The following PRKCA variants were observed in gnomAD, a reference collection of about 807,000 sequenced individuals.
PRKCA encodes protein kinase C alpha type.
Under a neutral mutation model 87.0 loss-of-function variants are expected in PRKCA, and 27 were observed. The observed-to-expected ratio is 0.31, with a 90% CI of 0.23 to 0.43. The LOEUF is 0.43. Ranked by LOEUF, PRKCA falls within the 20% of genes least tolerant of loss-of-function variation. The pLI is 1.00. For synonymous variants in PRKCA, 329 were observed against 311.1 expected (o/e 1.06, Z -0.61); for missense variants, 518 against 852.3 (o/e 0.61, Z 4.88).
At position 66,362,531 on chromosome 17, in the gene PRKCA, TG is replaced by T. The variant is rs144633786; in HGVS notation, c.205+56405del. On this transcript the variant is annotated intron_variant, in intron 2 of 16. Transcript: ENST00000413366. ...GTTGTTGGATGCCTTCACTGGATCC[TG>T]AGCTCCTTAAGGTTGAGATAAGTCT... Among the ~76,000 whole-genome samples the T allele has an allele frequency of 3.7e-3, 562 of 152,324 alleles. 4 individuals are homozygous for T. The highest frequency in any genetic ancestry group is 0.013 in the African/African-American group (530 of 41,554).
chr17:66,439,305 C>A (rs56874823), intron 2 of PRKCA, among the ~76,000 whole-genome samples: 1 of 151,922 alleles, frequency 6.6e-6, no homozygotes, highest in African/African-American at 2.4e-5. Flanking sequence ...CTCAGCCTCC[C>A]GAGTAGCTGG....
chr17:66,414,287 C>T (rs969521529), intron 2 of PRKCA, among the ~76,000 whole-genome samples: 2 of 152,102 alleles, frequency 1.3e-5, no homozygotes, highest in African/African-American at 4.8e-5. Context: ...TGAGTGAGTT[C>T]TCACGAGATC....
At chr17:66,495,725 G>A (rs773471743) in intron 2 of PRKCA, among the ~76,000 whole-genome samples, 55 of 151,648 alleles carry the variant, frequency 3.6e-4, no homozygotes, top group Middle Eastern at 6.8e-3. Flanking sequence ...GCTAATTTGT[G>A]TATGTGTGTG....
chr17:66,666,731 TTGTC>T (rs1309926343), intron 5 of PRKCA, among the ~76,000 whole-genome samples: 2 of 151,998 alleles, frequency 1.3e-5, no homozygotes, highest in Non-Finnish European at 2.9e-5. Context: ...ATCTGACTCT[TTGTC>T]TGTCAGATAA....
chr17:66,621,575 G>T (rs1478525505), intron 3 of PRKCA, among the ~76,000 whole-genome samples: 1 of 152,066 alleles, frequency 6.6e-6, no homozygotes, highest in East Asian at 1.9e-4. Flanking sequence ...ATTTCTTTGC[G>T]AAGTCTGTGG....
chr17:66,634,589 G>A (rs1480536004), intron 3 of PRKCA, among the ~76,000 whole-genome samples: 1 of 152,192 alleles, frequency 6.6e-6, no homozygotes, highest in African/African-American at 2.4e-5. Context: ...CAGCCCTTTG[G>A]TGCACAGTGA....
At chr17:66,738,615 A>G (rs1384617948) in intron 10 of PRKCA, 149 bp from the exon 11 acceptor site, 2 of 660,750 alleles carry the variant, frequency 3.0e-6, no homozygotes, top group African/African-American at 3.7e-5. Context: ...CTTTCTTTGG[A>G]AAAAAATGTG....
chr17:66,435,679 A>G lies in PRKCA; in HGVS notation c.206-60522A>G, dbSNP rs772657923. ...CACTGACAAAAAGAAATGTGAAAAGATGTGTTTAAAACAATGCGCATGAAG... is the reference window on the plus strand; with the variant it reads ...CACTGACAAAAAGAAATGTGAAAAGGTGTGTTTAAAACAATGCGCATGAAG... On this transcript the variant is annotated intron_variant, in intron 2 of 16. Transcript: ENST00000413366. Among the ~76,000 whole-genome samples, 9 of 152,152 alleles carry G rather than the reference A, an allele frequency of 5.9e-5. No individual in the cohort carries two copies. In the South Asian group the frequency reaches 1.2e-3, roughly 21 times the overall value.
chr17:66,787,094 G>C (rs1282411376), intron 15 of PRKCA, 120 bp downstream of exon 15: 3 of 867,954 alleles, frequency 3.5e-6, no homozygotes, highest in Non-Finnish European at 6.0e-6. Context: ...CTGCATTTTG[G>C]CCATCGAGGG....
chr17:66,352,558 G>GTTTTTTTTTTTTT (rs56317931), intron 2 of PRKCA, among the ~76,000 whole-genome samples: 5 of 83,758 alleles, frequency 6.0e-5, no homozygotes, highest in Admixed American at 2.0e-4. Flanking sequence ...GTTTTTTGAG[G>GTTTTTTTTTTTTT]TTTTTTTTTT....
At position 66,562,093 on chromosome 17, in the gene PRKCA, A is replaced by G. The variant is rs867588846; in HGVS notation, c.288+65810A>G. ...AATTAAATTATATATATAATTAAAT[A>G]TATATAATTAAATTATATATATAAT... On this transcript the variant is annotated intron_variant, in intron 3 of 16. Transcript: ENST00000413366. Among the ~76,000 whole-genome samples the G allele has an allele frequency of 9.5e-3, 1,067 of 112,278 alleles. 35 individuals are homozygous for G. Among genetic ancestry groups the G allele is most frequent in the African/African-American group, 0.034 (988 of 28,850 alleles). The allele number at this position is 112,278 out of a possible 152,430, so 73.7% of individuals were successfully genotyped here.
chr17:66,748,423 G>T (rs1444890999), intron 13 of PRKCA, among the ~76,000 whole-genome samples: 2 of 152,294 alleles, frequency 1.3e-5, no homozygotes, highest in South Asian at 2.1e-4. Context: ...ATTAATATTT[G>T]GGGGGAGCAT....
chr17:66,374,100 G>A (rs1039349016), intron 2 of PRKCA, among the ~76,000 whole-genome samples: 3 of 152,108 alleles, frequency 2.0e-5, no homozygotes, highest in African/African-American at 7.2e-5. Flanking sequence ...CGCAAGGGAG[G>A]ATGGGCCAGG....
chr17:66,778,382 G>A (rs1374461543), intron 14 of PRKCA: 15 of 280,762 alleles, frequency 5.3e-5, no homozygotes, highest in South Asian at 1.4e-4. Context: ...CGAGTGTGGT[G>A]GCGGGCGCCT....
At chr17:66,726,771 C>T (rs1973761299) in intron 8 of PRKCA, among the ~76,000 whole-genome samples, 1 of 151,684 alleles carries the variant, frequency 6.6e-6, no homozygotes, top group South Asian at 2.1e-4. Context: ...ATCACCCAGG[C>T]CAGAGGGCAG....
intron 3 of PRKCA, among the ~76,000 whole-genome samples, chr17:66,582,855 C>G (rs1187227032): frequency 6.6e-6 from 1 of 152,152 alleles, no homozygotes; most frequent in Admixed American, 6.5e-5. Context: ...CAGAGGAGGC[C>G]TGCATTCCAC....
chr17:66,482,951 G>A (rs981583499), intron 2 of PRKCA, among the ~76,000 whole-genome samples: 2 of 151,978 alleles, frequency 1.3e-5, no homozygotes, highest in Admixed American at 6.6e-5. Context: ...ATTTCTCCCC[G>A]TGGAAGTATT....
chr17:66,470,035 G>C (rs1010001033), intron 2 of PRKCA, among the ~76,000 whole-genome samples: 2 of 151,882 alleles, frequency 1.3e-5, no homozygotes, highest in Non-Finnish European at 2.9e-5. Flanking sequence ...GGCATGCTGT[G>C]TACATTCACT....
chr17:66,788,541 C>T (rs916981075), intron 15 of PRKCA, among the ~76,000 whole-genome samples: 4 of 151,912 alleles, frequency 2.6e-5, no homozygotes, highest in African/African-American at 9.7e-5. Flanking sequence ...ATGGTGTCTC[C>T]AAAACAGACA....
Sources: gnomAD v4.1 joint callset for allele counts (sites outside exome capture counted in the v4.1 genomes callset) on GRCh38, gnomAD v4.1.1 for gene constraint, MANE v1.5 for transcripts, NCBI Gene and HGNC (gene_info 2026-07-23, HGNC 2026-07-21) for gene names.